Variants in PCDHGA6 observed in about 807,000 individuals in gnomAD.
PCDHGA6 encodes the protein protocadherin gamma-A6.
In PCDHGA6, 41 loss-of-function variants were observed where a neutral mutation model predicts 60.6. That is an observed-to-expected ratio of 0.68 (90% CI 0.53 to 0.88). PCDHGA6 has a LOEUF of 0.88. PCDHGA6 is among the 40% of genes least tolerant of loss of function. The pLI is 0.00. For missense variants in PCDHGA6, 1,312 were observed against 1,203.0 expected (o/e 1.09, Z -1.34); for synonymous variants, 594 against 524.4 (o/e 1.13, Z -1.81).
chr5:141,416,990 A>C (rs912916110), intron 1 of PCDHGA6: 20 of 151,946 alleles, frequency 1.3e-4, no homozygotes, highest in African/African-American at 4.1e-4. Flanking sequence ...ATTATTGTGC[A>C]TTCATCTCAA....
Position 141,489,089 on chromosome 5 carries a change from A to T in PCDHGA6, c.2425-5718A>T, listed in dbSNP as rs1214993065. The T allele has an allele frequency of 7.4e-5, 21 of 284,398 alleles. No homozygotes were observed. Among genetic ancestry groups the T allele is most frequent in the East Asian group, 1.1e-4 (2 of 17,560 alleles). The allele number at this position is 284,398 out of a possible 1,614,324, so 17.6% of individuals were successfully genotyped here. On this transcript the variant is annotated intron_variant, in intron 1 of 3. Coordinates refer to ENST00000517434, the MANE Select transcript of PCDHGA6 (RefSeq NM_018919.3). This position sits in a 1 kb window ranked among gnomAD's most constrained non-coding sequence, Gnocchi z 4.5. ...CCCTGCCCACCCCCGCCACTCGGTGACTAAGAACTGCTGCAAGCAGGCAAA... is the reference window on the plus strand; with the variant it reads ...CCCTGCCCACCCCCGCCACTCGGTGTCTAAGAACTGCTGCAAGCAGGCAAA...
In PCDHGA6 at chr5:141,485,037, C is replaced by T. The variant is rs2099605532; in HGVS notation, c.2425-9770C>T. 1.0e-5 allele frequency: 7 copies of T among 702,746 alleles called. No individual in the cohort carries two copies. Among genetic ancestry groups the T allele is most frequent in the Non-Finnish European group, 1.5e-5 (6 of 402,836 alleles). 43.5% of individuals were successfully genotyped at this position (702,746 alleles called of 1,614,324 possible). A position where few individuals can be genotyped will look rare whatever the true frequency, so the allele number is the denominator to read the frequency against. ...GCCACCAGCAAAAACGGCGCGTAAC[C>T]CTTGCGGCGCCGGCCGAACCGCGCC... is the stretch of plus-strand genomic sequence containing the variant. On this transcript the variant is annotated intron_variant, in intron 1 of 3. Transcript: ENST00000517434. The surrounding 1 kb of genome is among the most constrained non-coding windows in gnomAD (Gnocchi z 5.7).
At position 141,375,523 on chromosome 5, in the gene PCDHGA6, C is replaced by T. The variant is rs571977774; in HGVS notation, c.1440C>T (p.Asp480=). ...TCTCTGTGAATGCACTGGACCCTGA[C>T]GTGGACCAGAACGCCCAAGTCTCCT... ...SIFSVNALDP[D]VDQNAQVSYS... is the part of the protein sequence containing the mutation. The change falls in exon 1 of 4, where the codon GAC becomes GAT. Residue 480 remains aspartate (D), a synonymous_variant. Transcript: ENST00000517434. 1.2e-6 allele frequency: 2 copies of T among 1,614,032 alleles called. No individual in the cohort carries two copies. Among genetic ancestry groups the T allele is most frequent in the Non-Finnish European group, 1.7e-6 (2 of 1,179,928 alleles).
Position 141,409,903 on chromosome 5 carries a change from G to C in PCDHGA6, c.2424+33396G>C, listed in dbSNP as rs570063514. 6.2e-6 allele frequency: 10 copies of C among 1,613,268 alleles called. No individual in the cohort carries two copies. The South Asian group carries it at 9.9e-5, about 16-fold the overall frequency. ...CACCGCGGGTGCTGTACCCAGCTCTGGGTCCTGACGGCTCCGCGTTCTTCG... is the reference window on the plus strand; with the variant it reads ...CACCGCGGGTGCTGTACCCAGCTCTCGGTCCTGACGGCTCCGCGTTCTTCG... On this transcript the variant is annotated intron_variant, in intron 1 of 3. Coordinates refer to ENST00000517434, the MANE Select transcript of PCDHGA6 (RefSeq NM_018919.3).
intron 1 of PCDHGA6, chr5:141,376,743 G>A (rs894394205): frequency 9.7e-5 from 48 of 493,300 alleles, no homozygotes; most frequent in Non-Finnish European, 1.5e-4. Flanking sequence ...GCGGACTGCA[G>A]TGGCGCAATC....
At chr5:141,394,991 G>C (rs1282662717) in intron 1 of PCDHGA6, 1 of 1,614,012 alleles carries the variant, frequency 6.2e-7, no homozygotes, top group East Asian at 2.2e-5. Flanking sequence ...GCCTGCTCCA[G>C]GATTCCGGTG....
intron 1 of PCDHGA6, chr5:141,419,788 A>G (rs750179874): frequency 6.2e-7 from 1 of 1,614,054 alleles, no homozygotes; most frequent in Non-Finnish European, 8.5e-7. Context: ...AGCGCCTGCT[A>G]GTCGCTGTAA....
chr5:141,432,087 C>G lies in PCDHGA6; in HGVS notation c.2424+55580C>G. On this transcript the variant is annotated intron_variant, in intron 1 of 3. Coordinates refer to ENST00000517434, the MANE Select transcript of PCDHGA6 (RefSeq NM_018919.3). This position sits in a 1 kb window ranked among gnomAD's most constrained non-coding sequence, Gnocchi z 6.0. ...GAAACTCATATCTCGCTGAACGTGG[C>G]AGACACCAACGACAACCCGCCGGTC... 3 of 1,614,178 alleles carry G rather than the reference C, an allele frequency of 1.9e-6. No homozygotes were observed. The highest frequency in any genetic ancestry group is 2.5e-6 in the Non-Finnish European group (3 of 1,180,042).
In PCDHGA6 at chr5:141,376,271, G is replaced by A. The variant is rs761909915; in HGVS notation, c.2188G>A (p.Gly730Ser). 1.2e-6 allele frequency: 2 copies of A among 1,614,104 alleles called. No homozygotes were observed. Among genetic ancestry groups the A allele is most frequent in the African/African-American group, 2.7e-5 (2 of 74,946 alleles). ...HKSRLLQASGGGLASMPGSHF... is the reference protein window; with the variant it reads ...HKSRLLQASGSGLASMPGSHF... ...GTCACGCCTGCTGCAGGCTTCGGGA[G>A]GTGGCTTAGCGAGCATGCCCGGCTC... The change falls in exon 1 of 4, where the codon GGT becomes AGT. Residue 730 changes from glycine to serine, a missense_variant. Gly to Ser is a moderately conservative substitution (Grantham distance 56). Coordinates refer to ENST00000517434, the MANE Select transcript of PCDHGA6 (RefSeq NM_018919.3).
At chr5:141,438,018 G>A (rs959672278) in intron 1 of PCDHGA6, among the ~76,000 whole-genome samples, 1 of 152,082 alleles carries the variant, frequency 6.6e-6, no homozygotes, top group African/African-American at 2.4e-5. Context: ...TGAGATTACA[G>A]GTGTGAGCCA....
chr5:141,423,546 G>A, intron 1 of PCDHGA6: 1 of 1,613,708 alleles, frequency 6.2e-7, no homozygotes, highest in Non-Finnish European at 8.5e-7. Flanking sequence ...TTTTCCCCCA[G>A]CCCAACTATG....
At chr5:141,502,951 C>G (rs1444086718) in intron 2 of PCDHGA6, among the ~76,000 whole-genome samples, 1 of 147,768 alleles carries the variant, frequency 6.8e-6, no homozygotes, top group African/African-American at 2.6e-5. Context: ...TCAAGCGATT[C>G]TCCTGCCTCA....
At chr5:141,415,347 C>G in intron 1 of PCDHGA6, 1 of 1,614,238 alleles carries the variant, frequency 6.2e-7, no homozygotes, top group South Asian at 1.1e-5. Flanking sequence ...GGCGCTGGCA[C>G]AAGTCACGCC....
chr5:141,403,604 G>C, intron 1 of PCDHGA6: 2 of 1,613,768 alleles, frequency 1.2e-6, no homozygotes, highest in Non-Finnish European at 1.7e-6. Flanking sequence ...CTCGGATGGC[G>C]GCGAGCCGCG....
Position 141,394,682 on chromosome 5 carries a change from G to A in PCDHGA6, c.2424+18175G>A, listed in dbSNP as rs546310598. 6.3e-5 allele frequency: 102 copies of A among 1,611,492 alleles called. No individual in the cohort carries two copies. The South Asian group carries it at 1.0e-3, about 16-fold the overall frequency. ...GACTCTTCTCGGTGGGTCTGCACAC[G>A]GGCGAGGTGCGCACGGCGCGAGCCC... On this transcript the variant is annotated intron_variant, in intron 1 of 3. Coordinates refer to ENST00000517434, the MANE Select transcript of PCDHGA6 (RefSeq NM_018919.3).
chr5:141,490,061 A>G lies in PCDHGA6; in HGVS notation c.2425-4746A>G, dbSNP rs1562135413. On this transcript the variant is annotated intron_variant, in intron 1 of 3. Transcript: ENST00000517434. This position sits in a 1 kb window ranked among gnomAD's most constrained non-coding sequence, Gnocchi z 5.4. Reference sequence around the variant, plus strand: ...GCCACTGATCCAGACGAGGGCACCAACGGCCAACTAGACTATTCTTTTGGA... The same window carrying G: ...GCCACTGATCCAGACGAGGGCACCAGCGGCCAACTAGACTATTCTTTTGGA... 1.2e-6 allele frequency: 2 copies of G among 1,614,214 alleles called. No individual in the cohort carries two copies. Among genetic ancestry groups the G allele is most frequent in the East Asian group, 2.2e-5 (1 of 44,884 alleles).
chr5:141,387,122 A>G (rs960154825), intron 1 of PCDHGA6, among the ~76,000 whole-genome samples: 24 of 152,234 alleles, frequency 1.6e-4, no homozygotes, highest in African/African-American at 5.5e-4. Flanking sequence ...CTGTAATGAA[A>G]TCACTGAAAC....
rs543179504 is a variant in PCDHGA6, at chr5:141,381,358, A to G, written c.2424+4851A>G. ...AGCTTTCTTTTCTTTCTGCTAGCAG[A>G]GGGTAGCCTCGGATCCATCAATAAT... is the stretch of plus-strand genomic sequence containing the variant. On this transcript the variant is annotated intron_variant, in intron 1 of 3. Coordinates refer to ENST00000517434, the MANE Select transcript of PCDHGA6 (RefSeq NM_018919.3). Among the ~76,000 whole-genome samples the G allele has an allele frequency of 4.6e-5, 7 of 152,330 alleles. No individual in the cohort carries two copies. In the South Asian group the frequency reaches 1.4e-3, roughly 32 times the overall value.
Position 141,477,426 on chromosome 5 carries a change from T to G in PCDHGA6, c.2425-17381T>G. 1 of 1,614,100 alleles carries G rather than the reference T, an allele frequency of 6.2e-7. No individual in the cohort carries two copies. Among genetic ancestry groups the G allele is most frequent in the East Asian group, 2.2e-5 (1 of 44,874 alleles). The stretch of plus-strand genomic sequence containing the variant: ...GCCCGAGACGCCGGAACCCCTTCCC[T>G]CTCAGCCCTTACAATAGTGCGTGTT... On this transcript the variant is annotated intron_variant, in intron 1 of 3. Coordinates refer to ENST00000517434, the MANE Select transcript of PCDHGA6 (RefSeq NM_018919.3). The surrounding 1 kb of genome is among the most constrained non-coding windows in gnomAD (Gnocchi z 4.9).
Sources: allele counts gnomAD v4.1 joint callset (sites outside exome capture counted in the v4.1 genomes callset), GRCh38; gene constraint gnomAD v4.1.1; non-coding constraint Gnocchi (gnomAD v3.1); transcripts MANE v1.5; gene names NCBI Gene and HGNC (gene_info 2026-07-23, HGNC 2026-07-21).